APP: variants seen among roughly 807,000 people sequenced by gnomAD.
APP encodes the protein amyloid-beta precursor protein.
In APP, 31 loss-of-function variants were observed where a neutral mutation model predicts 101.4. That is an observed-to-expected ratio of 0.31 (90% CI 0.23 to 0.41). The LOEUF is 0.41. Ranked by LOEUF, APP falls within the 10% of genes least tolerant of loss-of-function variation. APP has a pLI of 1.00. For synonymous variants in APP, 366 were observed against 364.4 expected (o/e 1.00, Z -0.05); for missense variants, 839 against 1,003.7 (o/e 0.84, Z 2.22).
At chr21:25,982,502 T>C in intron 8 of APP, 25 bp from the exon 9 acceptor site, 1 of 1,610,628 alleles carries the variant, frequency 6.2e-7, no homozygotes, top group Non-Finnish European at 8.5e-7. Flanking sequence ...AGAAGGAGGT[T>C]TGAGAAAAAA....
At chr21:26,125,874 A>T (rs1281018591) in intron 1 of APP, among the ~76,000 whole-genome samples, 1 of 152,234 alleles carries the variant, frequency 6.6e-6, no homozygotes, top group Admixed American at 6.5e-5. Flanking sequence ...ACTTGTGCAG[A>T]GCTGCCTATG....
At chr21:26,120,327 A>G (rs547947275) in intron 1 of APP, among the ~76,000 whole-genome samples, 1 of 152,114 alleles carries the variant, frequency 6.6e-6, no homozygotes, top group Non-Finnish European at 1.5e-5. Flanking sequence ...ATACCTGGCT[A>G]ATTTTTCTGT....
intron 9 of APP, among the ~76,000 whole-genome samples, chr21:25,981,948 C>A (rs959865303): frequency 6.6e-6 from 1 of 152,060 alleles, no homozygotes; most frequent in Admixed American, 6.5e-5. Flanking sequence ...TGTAAACAAT[C>A]GTAGGTTCAC....
chr21:25,949,482 G>A (rs1430278469), intron 13 of APP, among the ~76,000 whole-genome samples: 2 of 152,202 alleles, frequency 1.3e-5, no homozygotes, highest in East Asian at 1.9e-4. Flanking sequence ...GTTTTGTGTG[G>A]TGCTTACGCT....
intron 14 of APP, among the ~76,000 whole-genome samples, chr21:25,906,717 TG>T (rs775200304): frequency 2.0e-5 from 3 of 152,240 alleles, no homozygotes; most frequent in Non-Finnish European, 4.4e-5. Flanking sequence ...TATTACTCCT[TG>T]TAAAATGCAG....
At chr21:25,958,310 CCT>C (rs1445244520) in intron 11 of APP, among the ~76,000 whole-genome samples, 2 of 152,090 alleles carry the variant, frequency 1.3e-5, no homozygotes, top group African/African-American at 4.8e-5. Context: ...GGAATCTCGC[CCT>C]GTCTCCCAGG....
chr21:25,901,206 G>A (rs2038446042), intron 15 of APP, among the ~76,000 whole-genome samples: 1 of 151,304 alleles, frequency 6.6e-6, no homozygotes, highest in Admixed American at 6.6e-5. Context: ...ACTTAGGTGG[G>A]AGGATAGCTT....
intron 3 of APP, among the ~76,000 whole-genome samples, chr21:26,071,004 C>T (rs12626415): frequency 0.074 from 11,284 of 152,060 alleles, 855 homozygotes; most frequent in East Asian, 0.23. Flanking sequence ...ACGTCTGTTC[C>T]TTCCAGGCAG....
intron 5 of APP, among the ~76,000 whole-genome samples, chr21:26,028,941 G>A (rs2044700425): frequency 6.6e-6 from 1 of 152,116 alleles, no homozygotes; most frequent in African/African-American, 2.4e-5. Flanking sequence ...CAAACAGGGT[G>A]GTCAGGGAAG....
At chr21:26,145,086 G>C (rs1441721055) in intron 1 of APP, among the ~76,000 whole-genome samples, 1 of 152,184 alleles carries the variant, frequency 6.6e-6, no homozygotes, top group East Asian at 1.9e-4. Flanking sequence ...CCTAACATTA[G>C]AGATGTTTTA....
At chr21:25,906,505 G>A (rs918926640) in intron 14 of APP, among the ~76,000 whole-genome samples, 1 of 152,230 alleles carries the variant, frequency 6.6e-6, no homozygotes, top group East Asian at 1.9e-4. Flanking sequence ...CTACAGAACT[G>A]CACTGATTAA....
intron 1 of APP, among the ~76,000 whole-genome samples, chr21:26,142,258 CA>C (rs1468695977): frequency 6.6e-6 from 1 of 152,138 alleles, no homozygotes; most frequent in African/African-American, 2.4e-5. Flanking sequence ...CCAATCTGAG[CA>C]TGTTGTGGAA....
chr21:25,944,375 A>G (rs1450050856), intron 13 of APP, among the ~76,000 whole-genome samples: 4 of 152,220 alleles, frequency 2.6e-5, no homozygotes, highest in Admixed American at 6.5e-5. Context: ...ACCGGTTAAT[A>G]GATGGATCCA....
chr21:26,043,360 G>A (rs904603493), intron 5 of APP, among the ~76,000 whole-genome samples: 1 of 152,030 alleles, frequency 6.6e-6, no homozygotes, highest in Admixed American at 6.6e-5. Context: ...AGTCTCCCCA[G>A]TAGCTGGGAT....
At chr21:26,025,348 G>A (rs375898899) in intron 5 of APP, among the ~76,000 whole-genome samples, 5 of 152,190 alleles carry the variant, frequency 3.3e-5, no homozygotes, top group African/African-American at 7.2e-5. Context: ...ACTAACTAGC[G>A]CTGTTTTCCA....
chr21:25,968,017 G>A (rs564062027), intron 11 of APP, among the ~76,000 whole-genome samples: 1 of 152,328 alleles, frequency 6.6e-6, no homozygotes, highest in South Asian at 2.1e-4. Context: ...AGGGGTTGGT[G>A]TTTAGAAGAG....
intron 6 of APP, among the ~76,000 whole-genome samples, chr21:26,017,300 G>C (rs1318450931): frequency 1.4e-5 from 2 of 147,422 alleles, no homozygotes; most frequent in African/African-American, 5.0e-5. Context: ...TAAAGACAGA[G>C]AATCACTGCT....
intron 11 of APP, 88 bp downstream of exon 11, chr21:25,974,982 C>T: frequency 6.4e-7 from 1 of 1,570,320 alleles, no homozygotes; most frequent in African/African-American, 1.4e-5. Context: ...TCTCCTCATT[C>T]TTTTTGTATG....
At chr21:25,938,982 T>G (rs1250411321) in intron 13 of APP, among the ~76,000 whole-genome samples, 1 of 152,194 alleles carries the variant, frequency 6.6e-6, no homozygotes, top group East Asian at 1.9e-4. Flanking sequence ...ATATACCTAT[T>G]TTTCTTTAAA....
Sources: gnomAD v4.1 joint callset for allele counts (sites outside exome capture counted in the v4.1 genomes callset) on GRCh38, gnomAD v4.1.1 for gene constraint, MANE v1.5 for transcripts, NCBI Gene and HGNC (gene_info 2026-07-23, HGNC 2026-07-21) for gene names.